Variants in SP110 observed in about 807,000 individuals in gnomAD.
The protein encoded by SP110 is interferon-induced protein 41, 30kD.
SP110 carries 62 observed loss-of-function variants against 92.7 expected under a neutral mutation model. The observed-to-expected ratio is 0.67, with a 90% CI of 0.55 to 0.83. The LOEUF (loss-of-function observed/expected upper bound fraction) is 0.83. SP110 is among the 40% of genes least tolerant of loss of function. The pLI is 0.00. For synonymous variants in SP110, 273 were observed against 305.3 expected, an observed-to-expected ratio of 0.89 and a Z score of 1.10; for missense variants, 793 against 863.9, an observed-to-expected ratio of 0.92 and a Z score of 1.03.
upstream of SP110, among the ~76,000 whole-genome samples, chr2:230,223,554 T>G (rs1259302835): frequency 2.6e-5 from 4 of 152,186 alleles, no homozygotes; most frequent in African/African-American, 9.7e-5. Context: ...TACTCCCAAA[T>G]CCTGACTGAT....
At chr2:230,183,418 C>T (rs2042213411) in intron 12 of SP110, among the ~76,000 whole-genome samples, 154 bp downstream of exon 12, 1 of 152,142 alleles carries the variant, frequency 6.6e-6, no homozygotes, top group South Asian at 2.1e-4. Context: ...GCTGGCAGCA[C>T]TCCTGATGCA....
chr2:230,215,177 C>A, intron 2 of SP110, 59 bp from the exon 3 acceptor site: 2 of 1,365,614 alleles, frequency 1.5e-6, no homozygotes, highest in Non-Finnish European at 2.1e-6. Flanking sequence ...GGAAGTTATA[C>A]ATTTATGGTT....
chr2:230,214,515 T>C (rs971423413), intron 3 of SP110, among the ~76,000 whole-genome samples: 4 of 152,202 alleles, frequency 2.6e-5, no homozygotes, highest in Non-Finnish European at 5.9e-5. Flanking sequence ...GTTTTAAAGA[T>C]GATGTGAGAT....
chr2:230,183,486 G>A, intron 12 of SP110, 86 bp downstream of exon 12: 1 of 708,308 alleles, frequency 1.4e-6, no homozygotes, highest in Non-Finnish European at 2.4e-6. Flanking sequence ...AAGGGAGAGA[G>A]AAGAAGGAGA....
In SP110 at chr2:230,211,355, C is replaced by T; in HGVS notation, c.751+115G>A. On this transcript the variant is annotated intron_variant, in intron 6 of 18. Coordinates refer to ENST00000258381, the MANE Select transcript of SP110 (RefSeq NM_080424.4). This position sits in a 1 kb window ranked among gnomAD's most constrained non-coding sequence, Gnocchi z 4.2. ...AGTGCTGGGTGAACTGGAAGCTGGG[C>T]CAAGATTGCTGAGAGGCAGGAGGAG... 1.3e-6 allele frequency: 1 copy of T among 768,198 alleles called. No homozygotes were observed. The highest frequency in any genetic ancestry group is 1.4e-5 in the South Asian group (1 of 71,594). The allele number at this position is 768,198 out of a possible 1,614,324, so 47.6% of individuals were successfully genotyped here.
intron 8 of SP110, among the ~76,000 whole-genome samples, chr2:230,204,633 A>C (rs2043557319): frequency 6.6e-6 from 1 of 152,100 alleles, no homozygotes; most frequent in African/African-American, 2.4e-5. Context: ...AAAAATTAAT[A>C]GCTAATTTGT....
chr2:230,221,603 C>A, upstream of SP110: 5 of 1,113,186 alleles, frequency 4.5e-6, no homozygotes, highest in South Asian at 6.6e-5. Context: ...GGAGAGGGTG[C>A]ATTGATGCCT....
At chr2:230,216,663 C>T in intron 2 of SP110, 118 bp downstream of exon 2, 1 of 1,228,492 alleles carries the variant, frequency 8.1e-7, no homozygotes, top group Non-Finnish European at 1.2e-6. Context: ...TGATAATGAA[C>T]ATGCCTGGGC....
chr2:230,224,639 A>AG (rs1174128315), upstream of SP110, among the ~76,000 whole-genome samples: 1 of 152,206 alleles, frequency 6.6e-6, no homozygotes, highest in Admixed American at 6.5e-5. Context: ...GAAGTGTGGA[A>AG]GGGGTAGAAA....
Position 230,211,260 on chromosome 2 carries a change from C to A in SP110, c.751+210G>T, listed in dbSNP as rs531447750. Among the ~76,000 whole-genome samples the A allele has an allele frequency of 6.6e-6, 1 of 152,278 alleles. No individual in the cohort carries two copies. Among genetic ancestry groups the A allele is most frequent in the East Asian group, 1.9e-4 (1 of 5,174 alleles). ...TCCAAGTCTACCTTTTCCAGACTTG[C>A]CTCCTTTGCCCTCCCCCAGGGACTC... On this transcript the variant is annotated intron_variant, in intron 6 of 18. Coordinates refer to ENST00000258381, the MANE Select transcript of SP110 (RefSeq NM_080424.4). The surrounding 1 kb of genome is among the most constrained non-coding windows in gnomAD (Gnocchi z 4.2).
At chr2:230,217,953 A>C (rs1294326370) in intron 1 of SP110, among the ~76,000 whole-genome samples, 1 of 152,254 alleles carries the variant, frequency 6.6e-6, no homozygotes, top group African/African-American at 2.4e-5. Flanking sequence ...AGAAAGGCAT[A>C]CTTAGTAAAA....
rs1282692475 is a variant in SP110 at position 230,168,410 on chromosome 2, A to G, written c.*714T>C. 1 of 151,810 alleles carries G rather than the reference A, an allele frequency of 6.6e-6. No homozygotes were observed. Among genetic ancestry groups the G allele is most frequent in the Non-Finnish European group, 1.5e-5 (1 of 67,936 alleles). The allele number at this position is 151,810 out of a possible 1,614,324, so 9.4% of individuals were successfully genotyped here. On this transcript the variant is annotated 3_prime_UTR_variant, in exon 19 of 19. Transcript: ENST00000258381. ...TTCTGACCAATAATTATGTAAAAAAAAACCTGAATCTCATCATTTTGCAAC... is the reference window on the plus strand; with the variant it reads ...TTCTGACCAATAATTATGTAAAAAAGAACCTGAATCTCATCATTTTGCAAC...
chr2:230,218,823 A>G (rs2045518524), intron 1 of SP110, among the ~76,000 whole-genome samples: 1 of 152,272 alleles, frequency 6.6e-6, no homozygotes, highest in South Asian at 2.1e-4. Flanking sequence ...GCAAAAGACA[A>G]ACATCCAACT....
chr2:230,169,929 A>G (rs10445742), intron 18 of SP110, among the ~76,000 whole-genome samples: 48,917 of 151,974 alleles, frequency 0.32, 8,074 homozygotes, highest in Middle Eastern at 0.36. Context: ...AGCTCCATGA[A>G]TGGGTACCAG....
At chr2:230,188,743 T>G (rs1431736583) in intron 10 of SP110, among the ~76,000 whole-genome samples, 12 of 152,206 alleles carry the variant, frequency 7.9e-5, no homozygotes, top group Admixed American at 7.9e-4. Flanking sequence ...ATTGAAATGA[T>G]CTATGGTTTT....
chr2:230,222,632 G>A (rs1328681102), upstream of SP110, among the ~76,000 whole-genome samples: 1 of 151,700 alleles, frequency 6.6e-6, no homozygotes, highest in African/African-American at 2.4e-5. Flanking sequence ...ACAGAAGTGG[G>A]AGAATTGCTT....
chr2:230,220,827 G>A (rs1330666410), upstream of SP110, among the ~76,000 whole-genome samples: 1 of 152,048 alleles, frequency 6.6e-6, no homozygotes, highest in African/African-American at 2.4e-5. Flanking sequence ...AACATAGTGA[G>A]ACCCCATCTC....
chr2:230,181,545 G>T (rs2042127291), intron 12 of SP110, among the ~76,000 whole-genome samples: 1 of 152,070 alleles, frequency 6.6e-6, no homozygotes, highest in Admixed American at 6.5e-5. Context: ...CATTTAAGGT[G>T]AGGTCTGAGG....
At chr2:230,184,415 C>T (rs1356498633) in intron 11 of SP110, among the ~76,000 whole-genome samples, 2 of 152,082 alleles carry the variant, frequency 1.3e-5, no homozygotes, top group African/African-American at 2.4e-5. Context: ...TTTGTCAGGA[C>T]GGGGAAGCAG....
Sources: gnomAD v4.1 joint callset for allele counts (sites outside exome capture counted in the v4.1 genomes callset) on GRCh38, gnomAD v4.1.1 for gene constraint, Gnocchi (gnomAD v3.1) non-coding constraint, MANE v1.5 for transcripts, NCBI Gene and HGNC (gene_info 2026-07-23, HGNC 2026-07-21) for gene names.